The following CLSTN2 variants were observed in gnomAD, a reference collection of about 807,000 sequenced individuals.
The protein encoded by CLSTN2 is calsyntenin 2.
CLSTN2 carries 48 observed loss-of-function variants against 101.2 expected under a neutral mutation model. The ratio of observed to expected loss-of-function variants is 0.47; its 90% CI spans 0.38 to 0.60. The LOEUF (loss-of-function observed/expected upper bound fraction) is 0.60. Among genes scored for constraint, CLSTN2 ranks in the 20% least tolerant of loss-of-function variants. The pLI, the probability that CLSTN2 is intolerant of heterozygous loss-of-function variation, is 0.00. For missense variants in CLSTN2, 1,160 were observed against 1,238.2 expected (o/e 0.94, Z 0.95); for synonymous variants, 481 against 463.6 (o/e 1.04, Z -0.48).
chr3:140,035,536 T>C (rs189582604), intron 1 of CLSTN2, among the ~76,000 whole-genome samples: 3 of 152,316 alleles, frequency 2.0e-5, no homozygotes, highest in Non-Finnish European at 2.9e-5. Flanking sequence ...TAAATCTTAC[T>C]AGCTGTGAGA....
intron 8 of CLSTN2, among the ~76,000 whole-genome samples, chr3:140,485,314 G>A (rs892504994): frequency 6.6e-6 from 1 of 152,214 alleles, no homozygotes; most frequent in African/African-American, 2.4e-5. Flanking sequence ...TGTTCCTCTG[G>A]AAGTTTTGTC....
intron 1 of CLSTN2, among the ~76,000 whole-genome samples, chr3:140,130,952 C>A (rs569642324): frequency 5.9e-5 from 9 of 152,028 alleles, no homozygotes; most frequent in Non-Finnish European, 1.2e-4. Context: ...TCTTTGATTT[C>A]ATTGGACTGA....
intron 2 of CLSTN2, among the ~76,000 whole-genome samples, chr3:140,379,150 G>T (rs1475588159): frequency 1.3e-5 from 2 of 152,216 alleles, no homozygotes; most frequent in African/African-American, 4.8e-5. Flanking sequence ...CTGGAAGAAT[G>T]AAGAGGCACA....
intron 8 of CLSTN2, among the ~76,000 whole-genome samples, chr3:140,479,877 C>T (rs925774301): frequency 3.3e-5 from 5 of 151,960 alleles, no homozygotes; most frequent in Middle Eastern, 3.2e-3. Flanking sequence ...AGCCCCAAGC[C>T]GAATAAATAC....
At chr3:140,019,163 T>C (rs75298582) in intron 1 of CLSTN2, among the ~76,000 whole-genome samples, 6,102 of 152,300 alleles carry the variant, frequency 0.04, 364 homozygotes, top group East Asian at 0.28. Context: ...AAAGATGGTG[T>C]GACGGTTAAT....
At chr3:140,381,413 C>T (rs1203827994) in intron 2 of CLSTN2, among the ~76,000 whole-genome samples, 1 of 152,190 alleles carries the variant, frequency 6.6e-6, no homozygotes, top group African/African-American at 2.4e-5. Context: ...GTTCCTAAGG[C>T]AGACTCCACC....
At chr3:140,326,258 C>T (rs777777593) in intron 2 of CLSTN2, among the ~76,000 whole-genome samples, 6 of 152,212 alleles carry the variant, frequency 3.9e-5, no homozygotes, top group Non-Finnish European at 8.8e-5. Context: ...ATGTCCTTGT[C>T]AGCAGCATCT....
rs138351954 is a variant in CLSTN2, at chr3:140,105,022, A to G, written c.110-70929A>G. 2.2e-4 allele frequency among the ~76,000 whole-genome samples: 34 copies of G among 152,334 alleles called. No homozygotes were observed. In the East Asian group the frequency reaches 6.0e-3, roughly 27 times the overall value. ...GGTAAAACCTGAATTTATGGTGGTA[A>G]TATAGAAATCTTATTCCAGGACAAG... On this transcript the variant is annotated intron_variant, in intron 1 of 16. Coordinates refer to ENST00000458420, the MANE Select transcript of CLSTN2 (RefSeq NM_022131.3).
intron 1 of CLSTN2, among the ~76,000 whole-genome samples, chr3:140,066,822 C>T (rs1166528410): frequency 1.3e-5 from 2 of 152,212 alleles, no homozygotes; most frequent in African/African-American, 4.8e-5. Context: ...AAAACTATGG[C>T]AAAGAGGTAG....
rs147716474 is a variant in CLSTN2 at position 140,005,767 on chromosome 3, G to A, written c.109+70284G>A. Among the ~76,000 whole-genome samples the A allele has an allele frequency of 2.9e-3, 444 of 152,360 alleles. 1 individual carries two copies. Among genetic ancestry groups the A allele is most frequent in the South Asian group, 8.3e-3 (40 of 4,832 alleles). On this transcript the variant is annotated intron_variant, in intron 1 of 16. Transcript: ENST00000458420. ...ATTAATGCAATTTGAAGTGGGAAAA[G>A]CAGCAGATCTTGACTTGGGATATGT...
At chr3:140,556,700 G>T in intron 11 of CLSTN2, 39 bp downstream of exon 11, 1 of 1,601,542 alleles carries the variant, frequency 6.2e-7, no homozygotes. Context: ...AACTGAGGCA[G>T]CAGTTGGGAA....
In CLSTN2 at chr3:140,050,403, G is replaced by A. The variant is rs538110929; in HGVS notation, c.109+114920G>A. The stretch of plus-strand genomic sequence containing the variant: ...CAATTTCACATAGTTCAGAGATGTA[G>A]CAATGTTAAGGGATACCAGAAAGGG... On this transcript the variant is annotated intron_variant, in intron 1 of 16. Transcript: ENST00000458420. Among the ~76,000 whole-genome samples the A allele has an allele frequency of 2.0e-5, 3 of 152,300 alleles. No homozygotes were observed. The South Asian group carries it at 6.2e-4, about 32-fold the overall frequency.
intron 2 of CLSTN2, among the ~76,000 whole-genome samples, chr3:140,305,261 A>G (rs1219855586): frequency 2.0e-5 from 3 of 151,848 alleles, no homozygotes; most frequent in Admixed American, 1.3e-4. Flanking sequence ...TATATATTAT[A>G]TAATAGCCTG....
At chr3:140,089,409 G>A (rs180844275) in intron 1 of CLSTN2, among the ~76,000 whole-genome samples, 3 of 152,192 alleles carry the variant, frequency 2.0e-5, no homozygotes, top group Admixed American at 2.0e-4. Flanking sequence ...CTTCAAGTCT[G>A]TGCCTCAACC....
intron 7 of CLSTN2, among the ~76,000 whole-genome samples, chr3:140,460,007 A>C (rs1482180646): frequency 6.6e-6 from 1 of 152,196 alleles, no homozygotes; most frequent in Non-Finnish European, 1.5e-5. Context: ...CAAAGGATGT[A>C]ACAGCTGGAA....
intron 1 of CLSTN2, among the ~76,000 whole-genome samples, chr3:140,140,432 G>T (rs1462330686): frequency 6.6e-6 from 1 of 152,002 alleles, no homozygotes; most frequent in Non-Finnish European, 1.5e-5. Context: ...GAAGTACAAA[G>T]CTCCTTTAAA....
At chr3:140,236,509 T>C (rs1338493571) in intron 2 of CLSTN2, among the ~76,000 whole-genome samples, 1 of 152,202 alleles carries the variant, frequency 6.6e-6, no homozygotes, top group Non-Finnish European at 1.5e-5. Context: ...TCTTGGCTCA[T>C]GGTTTTCATC....
intron 1 of CLSTN2, among the ~76,000 whole-genome samples, chr3:140,009,340 A>G (rs115806388): frequency 0.011 from 1,701 of 152,308 alleles, 29 homozygotes; most frequent in African/African-American, 0.037. Flanking sequence ...CAAGTAATTC[A>G]TGGGCATTTT....
chr3:140,300,877 C>A lies in CLSTN2; in HGVS notation c.233-102752C>A, dbSNP rs190863953. Among the ~76,000 whole-genome samples, 563 of 152,014 alleles carry A rather than the reference C, an allele frequency of 3.7e-3. 5 individuals carry two copies. Among genetic ancestry groups the A allele is most frequent in the African/African-American group, 0.013 (537 of 41,458 alleles). Reference sequence around the variant, plus strand: ...ACACAATTATGGAGGCTGAGAAGTCCCATTATCTGCTGTCTGCAAGCTGGA... The same window carrying A: ...ACACAATTATGGAGGCTGAGAAGTCACATTATCTGCTGTCTGCAAGCTGGA... On this transcript the variant is annotated intron_variant, in intron 2 of 16. Coordinates refer to ENST00000458420, the MANE Select transcript of CLSTN2 (RefSeq NM_022131.3).
Sources: gnomAD v4.1 joint callset for allele counts (sites outside exome capture counted in the v4.1 genomes callset) on GRCh38, gnomAD v4.1.1 for gene constraint, MANE v1.5 for transcripts, NCBI Gene and HGNC (gene_info 2026-07-23, HGNC 2026-07-21) for gene names.